The following TACC2 variants were observed in gnomAD, a reference collection of about 807,000 sequenced individuals.
The protein encoded by TACC2 is transforming acidic coiled-coil-containing protein 2.
In TACC2, 137 loss-of-function variants were observed where a neutral mutation model predicts 227.3. That is an observed-to-expected ratio of 0.60 (90% CI 0.52 to 0.69). The LOEUF is 0.69. Among genes scored for constraint, TACC2 ranks in the 30% least tolerant of loss-of-function variants. The pLI, the probability that TACC2 is intolerant of heterozygous loss-of-function variation, is 0.00. For missense variants in TACC2, 3,470 were observed against 3,694.4 expected, an observed-to-expected ratio of 0.94 and a Z score of 1.57; for synonymous variants, 1,523 against 1,487.5, an observed-to-expected ratio of 1.02 and a Z score of -0.55.
At chr10:122,162,818 A>G (rs2092903052) in intron 7 of TACC2, among the ~76,000 whole-genome samples, 1 of 152,116 alleles carries the variant, frequency 6.6e-6, no homozygotes, top group African/African-American at 2.4e-5. Flanking sequence ...CACAGAGCTG[A>G]GCCGATGCAT....
At chr10:122,145,522 G>C (rs1186843825) in intron 7 of TACC2, among the ~76,000 whole-genome samples, 1 of 152,160 alleles carries the variant, frequency 6.6e-6, no homozygotes, top group Non-Finnish European at 1.5e-5. Context: ...GATTTGTATT[G>C]ACTACAAATG....
chr10:122,057,660 A>AT (rs1261023717), intron 3 of TACC2, among the ~76,000 whole-genome samples: 3 of 52,124 alleles, frequency 5.8e-5, no homozygotes, highest in African/African-American at 9.6e-5. Flanking sequence ...AAATTAAAAA[A>AT]TTAAAAAAAA....
chr10:122,010,341 C>T (rs1955768820), intron 1 of TACC2, among the ~76,000 whole-genome samples: 1 of 137,912 alleles, frequency 7.3e-6, no homozygotes, highest in African/African-American at 2.8e-5. Context: ...GTTACAGCAG[C>T]TTGTTTTAAT....
intron 1 of TACC2, among the ~76,000 whole-genome samples, chr10:122,000,509 T>C (rs973107160): frequency 6.6e-6 from 1 of 152,180 alleles, no homozygotes; most frequent in African/African-American, 2.4e-5. Context: ...AAGCCAGAGA[T>C]TGACTCGGCC....
At chr10:122,036,195 CTT>C (rs556416510) in intron 2 of TACC2, among the ~76,000 whole-genome samples, 5 of 139,074 alleles carry the variant, frequency 3.6e-5, no homozygotes, top group Non-Finnish European at 4.6e-5. Context: ...CTAATCCATT[CTT>C]TTTTTTTTTT....
chr10:122,112,872 C>T (rs999781442), intron 5 of TACC2, among the ~76,000 whole-genome samples: 1 of 152,040 alleles, frequency 6.6e-6, no homozygotes, highest in African/African-American at 2.4e-5. Flanking sequence ...TCTGGGCGCG[C>T]CCGGCCCCGC....
intron 3 of TACC2, among the ~76,000 whole-genome samples, chr10:122,081,397 G>A (rs565422668): frequency 2.0e-4 from 30 of 151,552 alleles, no homozygotes; most frequent in African/African-American, 2.2e-4. Flanking sequence ...GCGTGGTGGC[G>A]GGCTTCTGCA....
intron 3 of TACC2, among the ~76,000 whole-genome samples, chr10:122,080,519 C>A (rs891338811): frequency 2.6e-5 from 4 of 152,128 alleles, no homozygotes; most frequent in Non-Finnish European, 5.9e-5. Flanking sequence ...CAGGTGTGAG[C>A]CATGCACCCG....
At chr10:122,013,656 C>T (rs1041268416) in intron 1 of TACC2, among the ~76,000 whole-genome samples, 20 of 152,332 alleles carry the variant, frequency 1.3e-4, no homozygotes, top group South Asian at 1.0e-3. Flanking sequence ...TGGACCATGT[C>T]CTCCACTGAC....
intron 7 of TACC2, among the ~76,000 whole-genome samples, chr10:122,191,951 AT>A (rs2094425858): frequency 6.6e-6 from 1 of 152,134 alleles, no homozygotes; most frequent in South Asian, 2.1e-4. Context: ...GTGCTGCTTT[AT>A]TTTTATGTAC....
At chr10:122,017,974 A>G (rs1956894427) in intron 1 of TACC2, among the ~76,000 whole-genome samples, 1 of 146,028 alleles carries the variant, frequency 6.8e-6, no homozygotes, top group Non-Finnish European at 1.5e-5. Context: ...TTTTTAATGT[A>G]AAAGTAGACC....
intron 2 of TACC2, among the ~76,000 whole-genome samples, chr10:122,047,288 C>CAAAAAAAAA (rs371181114): frequency 1.6e-5 from 1 of 60,866 alleles, no homozygotes; most frequent in African/African-American, 6.3e-5. Flanking sequence ...GACTCCGTCT[C>CAAAAAAAAA]AAAAAAAAAA....
chr10:121,993,565 G>A (rs1051450077), intron 1 of TACC2, among the ~76,000 whole-genome samples: 1 of 152,106 alleles, frequency 6.6e-6, no homozygotes, highest in Admixed American at 6.6e-5. Flanking sequence ...CCTTTATAAT[G>A]TAGTATTTAC....
In TACC2 at chr10:122,086,902, G is replaced by C; in HGVS notation, c.4402G>C (p.Ala1468Pro). Residue 1468 changes from alanine (A) to proline (P), a missense_variant, in exon 4 of 23, where the codon GCT becomes CCT. By Grantham distance (27) the Ala-to-Pro change is conservative. This residue lies in a region of TACC2 where 1,924 missense variants were observed against 1,978.3 expected (regional missense o/e 0.97). Transcript: ENST00000369005. Reference protein sequence around the residue: ...VDVTLLPAPPARLQVEKKQQL... With the variant: ...VDVTLLPAPPPRLQVEKKQQL... ...TGTCACCCTTCTCCCTGCACCTCCT[G>C]CTCGACTCCAGGTGGAGAAGAAGCA... The C allele has an allele frequency of 3.1e-6, 5 of 1,613,978 alleles. No individual in the cohort carries two copies. Among genetic ancestry groups the C allele is most frequent in the Non-Finnish European group, 4.2e-6 (5 of 1,180,038 alleles).
At chr10:122,250,241 C>T (rs1412859592) in intron 22 of TACC2, among the ~76,000 whole-genome samples, 2 of 152,234 alleles carry the variant, frequency 1.3e-5, no homozygotes, top group East Asian at 1.9e-4. Flanking sequence ...CAGGAGGGCC[C>T]TCTGAGCGTT....
intron 16 of TACC2, among the ~76,000 whole-genome samples, chr10:122,230,849 C>T (rs569829827): frequency 6.6e-6 from 1 of 152,150 alleles, no homozygotes; most frequent in Non-Finnish European, 1.5e-5. Context: ...ACATAATTTG[C>T]AACTTTTCTA....
At chr10:122,100,776 A>G (rs913014767) in intron 5 of TACC2, among the ~76,000 whole-genome samples, 1 of 152,150 alleles carries the variant, frequency 6.6e-6, no homozygotes, top group Non-Finnish European at 1.5e-5. Flanking sequence ...ATGTGGAGAA[A>G]GGTGTAAGTG....
At chr10:122,200,666 G>A (rs2094772587) in intron 8 of TACC2, among the ~76,000 whole-genome samples, 1 of 147,926 alleles carries the variant, frequency 6.8e-6, no homozygotes, top group South Asian at 2.1e-4. Context: ...ACAGTGAGAG[G>A]ATGGCCACCT....
At chr10:122,221,465 A>G (rs1464933332) in intron 11 of TACC2, among the ~76,000 whole-genome samples, 5 of 152,124 alleles carry the variant, frequency 3.3e-5, no homozygotes, top group African/African-American at 9.7e-5. Flanking sequence ...CCTTTAACAC[A>G]GCTCTGTTAG....
Sources: allele counts gnomAD v4.1 joint callset (sites outside exome capture counted in the v4.1 genomes callset), GRCh38; gene constraint gnomAD v4.1.1; regional missense constraint gnomAD v4.1.1; transcripts MANE v1.5; gene names NCBI Gene and HGNC (gene_info 2026-07-23, HGNC 2026-07-21).